Variants in CRISPLD1 observed in about 807,000 individuals in gnomAD.
CRISPLD1 encodes cysteine-rich secretory protein LCCL domain-containing 1.
In CRISPLD1, 60 loss-of-function variants were observed where a neutral mutation model predicts 77.5. The ratio of observed to expected loss-of-function variants is 0.77; its 90% CI spans 0.63 to 0.96. The LOEUF (loss-of-function observed/expected upper bound fraction) is 0.96, where lower values mean the gene tolerates loss of function less well. Among genes scored for constraint, CRISPLD1 ranks in the 40% least tolerant of loss-of-function variants. The pLI, the probability that CRISPLD1 is intolerant of heterozygous loss-of-function variation, is 0.00. For missense variants in CRISPLD1, 623 were observed against 615.8 expected (o/e 1.01, Z -0.12); for synonymous variants, 195 against 200.1 (o/e 0.97, Z 0.22).
intron 10 of CRISPLD1, among the ~76,000 whole-genome samples, chr8:75,018,753 A>G (rs892002616): frequency 6.6e-6 from 1 of 151,628 alleles, no homozygotes. Context: ...ACCATGTCCA[A>G]CTAATTTTTG....
At chr8:74,989,541 G>GTT (rs3033047) in intron 2 of CRISPLD1, among the ~76,000 whole-genome samples, 5,531 of 147,514 alleles carry the variant, frequency 0.037, 97 homozygotes, top group East Asian at 0.087. Flanking sequence ...CCATTTTTAT[G>GTT]TTTTTTTTTT....
At chr8:75,003,765 A>G (rs1433376195) in intron 2 of CRISPLD1, among the ~76,000 whole-genome samples, 4 of 152,156 alleles carry the variant, frequency 2.6e-5, no homozygotes, top group East Asian at 1.9e-4. Context: ...GGTATGGCCA[A>G]ACTTGGGGCA....
chr8:75,028,170 C>CTT (rs2128788926), intron 13 of CRISPLD1, among the ~76,000 whole-genome samples: 1 of 152,158 alleles, frequency 6.6e-6, no homozygotes, highest in South Asian at 2.1e-4. Flanking sequence ...TTCAATGGGA[C>CTT]TTTAAGTGTT....
chr8:75,020,392 G>A (rs553882317), intron 12 of CRISPLD1, among the ~76,000 whole-genome samples: 3 of 152,294 alleles, frequency 2.0e-5, no homozygotes, highest in Admixed American at 6.5e-5. Context: ...GTAAACATGA[G>A]GAATTTATTT....
At chr8:75,014,757 T>G in intron 5 of CRISPLD1, 55 bp from the exon 6 acceptor site, 1 of 1,139,272 alleles carries the variant, frequency 8.8e-7, no homozygotes, top group Non-Finnish European at 1.3e-6. Context: ...TTTCACAATG[T>G]TTTATAAATT....
intron 2 of CRISPLD1, among the ~76,000 whole-genome samples, chr8:74,988,974 A>C (rs1480880557): frequency 6.6e-6 from 1 of 152,218 alleles, no homozygotes; most frequent in East Asian, 1.9e-4. Context: ...GTCTGTAAGT[A>C]ATGCCAGAGG....
chr8:75,015,752 A>T (rs1563399443), intron 6 of CRISPLD1, among the ~76,000 whole-genome samples: 1 of 152,084 alleles, frequency 6.6e-6, no homozygotes, highest in Non-Finnish European at 1.5e-5. Flanking sequence ...CTGTTGTGTA[A>T]GCCATTTTAA....
intron 6 of CRISPLD1, among the ~76,000 whole-genome samples, chr8:75,015,953 C>A (rs1813020237): frequency 2.0e-5 from 3 of 152,010 alleles, no homozygotes; most frequent in Admixed American, 6.6e-5. Context: ...ATACACCTCT[C>A]CAAAATGTGC....
chr8:75,000,625 G>A (rs1353454322), intron 2 of CRISPLD1, among the ~76,000 whole-genome samples: 1 of 151,858 alleles, frequency 6.6e-6, no homozygotes, highest in African/African-American at 2.4e-5. Context: ...ACCTGCTTTT[G>A]TCTAAACCCT....
chr8:75,017,208 A>G (rs2128786347), intron 9 of CRISPLD1, 95 bp downstream of exon 9: 1 of 1,519,446 alleles, frequency 6.6e-7, no homozygotes. Context: ...AAGTATAGAT[A>G]TTTTGCTCAG....
chr8:75,031,186 T>G (rs1813336824), intron 14 of CRISPLD1, among the ~76,000 whole-genome samples: 1 of 152,086 alleles, frequency 6.6e-6, no homozygotes, highest in Non-Finnish European at 1.5e-5. Flanking sequence ...TGCACATGTG[T>G]GTATATGTTG....
rs80048143 is a variant in CRISPLD1, at chr8:75,017,976, G to A, written c.1127+526G>A. On this transcript the variant is annotated intron_variant, in intron 10 of 14. Coordinates refer to ENST00000262207, the MANE Select transcript of CRISPLD1 (RefSeq NM_031461.6). ...TTTATTAATGTTTCTCCTATTAGGT[G>A]TACCAAATACCTTATTCGAAAACAC... Among the ~76,000 whole-genome samples the A allele has an allele frequency of 9.0e-3, 1,369 of 152,244 alleles. 9 individuals are homozygous for A. Among genetic ancestry groups the A allele is most frequent in the East Asian group, 0.042 (215 of 5,172 alleles).
chr8:74,995,061 A>G (rs1472723144), intron 2 of CRISPLD1, among the ~76,000 whole-genome samples: 2 of 152,308 alleles, frequency 1.3e-5, no homozygotes, highest in Non-Finnish European at 2.9e-5. Flanking sequence ...ACCCACCACC[A>G]TTTAAGTGGT....
At chr8:75,030,680 A>ATGTG (rs34737814) in intron 14 of CRISPLD1, among the ~76,000 whole-genome samples, 2,689 of 146,514 alleles carry the variant, frequency 0.018, 59 homozygotes, top group African/African-American at 0.055. Context: ...CCGGAGATAT[A>ATGTG]TGTGTGTGTG....
intron 12 of CRISPLD1, among the ~76,000 whole-genome samples, chr8:75,022,590 A>G (rs76081049): frequency 8.5e-6 from 1 of 117,024 alleles, no homozygotes; most frequent in East Asian, 2.0e-4. Flanking sequence ...TCTGTCTCAG[A>G]AAAAAAAAAA....
intron 2 of CRISPLD1, among the ~76,000 whole-genome samples, chr8:74,988,432 A>G (rs1190565109): frequency 6.6e-6 from 1 of 152,060 alleles, no homozygotes; most frequent in Non-Finnish European, 1.5e-5. Context: ...ATTGGTTCAT[A>G]TTTTAGTTAA....
intron 2 of CRISPLD1, among the ~76,000 whole-genome samples, chr8:74,989,333 T>C (rs1003277400): frequency 2.6e-5 from 4 of 152,164 alleles, no homozygotes; most frequent in African/African-American, 9.6e-5. Context: ...CTGGAACTTT[T>C]AGGTCATTCA....
intron 2 of CRISPLD1, among the ~76,000 whole-genome samples, chr8:74,996,968 C>T (rs11994286): frequency 0.011 from 1,616 of 152,150 alleles, 25 homozygotes; most frequent in African/African-American, 0.036. Flanking sequence ...CCTCCTGCCT[C>T]GGCCTCCTGA....
At chr8:75,005,246 G>A (rs958674368) in intron 2 of CRISPLD1, among the ~76,000 whole-genome samples, 1 of 152,072 alleles carries the variant, frequency 6.6e-6, no homozygotes, top group Non-Finnish European at 1.5e-5. Flanking sequence ...GCAATACAGG[G>A]TATCATCTAA....
Sources: gnomAD v4.1 joint callset for allele counts (sites outside exome capture counted in the v4.1 genomes callset) on GRCh38, gnomAD v4.1.1 for gene constraint, MANE v1.5 for transcripts, NCBI Gene and HGNC (gene_info 2026-07-23, HGNC 2026-07-21) for gene names.